The following EMB variants were observed in gnomAD, a reference collection of about 807,000 sequenced individuals.
EMB encodes embigin homolog.
Under a neutral mutation model 41.4 loss-of-function variants are expected in EMB, and 31 were observed. That is an observed-to-expected ratio of 0.75 (90% confidence interval 0.56 to 1.01). EMB has a LOEUF of 1.01. Among genes scored for constraint, EMB ranks in the 50% least tolerant of loss-of-function variants. The probability of loss-of-function intolerance (pLI) is 0.00; values close to 1 mark genes in which losing one functional copy is unlikely to be tolerated. For missense variants in EMB, 379 were observed against 388.3 expected (o/e 0.98, Z 0.20); for synonymous variants, 137 against 140.4 (o/e 0.98, Z 0.17).
chr5:50,429,968 TTCTCTC>T (rs780667856), intron 1 of EMB, among the ~76,000 whole-genome samples: 1,214 of 62,080 alleles, frequency 0.02, 7 homozygotes, highest in Non-Finnish European at 0.018. Context: ...CCAACTCTCT[TTCTCTC>T]TCTCTCTCTC....
intron 1 of EMB, among the ~76,000 whole-genome samples, chr5:50,433,855 A>C (rs537607036): frequency 6.6e-6 from 1 of 152,308 alleles, no homozygotes; most frequent in South Asian, 2.1e-4. Flanking sequence ...TGAGTGAAGA[A>C]TCCTTCCTTG....
At chr5:50,415,062 G>C (rs1745406875) in intron 2 of EMB, among the ~76,000 whole-genome samples, 1 of 152,076 alleles carries the variant, frequency 6.6e-6, no homozygotes, top group Non-Finnish European at 1.5e-5. Flanking sequence ...TATCCCATGA[G>C]AACTTCAAAC....
intron 6 of EMB, among the ~76,000 whole-genome samples, 198 bp from the exon 7 acceptor site, chr5:50,402,517 CAT>C (rs1258691619): frequency 6.6e-6 from 1 of 151,960 alleles, no homozygotes; most frequent in Non-Finnish European, 1.5e-5. Context: ...TCTGATCAAA[CAT>C]AGTTTAGTGG....
intron 1 of EMB, among the ~76,000 whole-genome samples, chr5:50,431,235 C>T (rs534824514): frequency 1.3e-5 from 2 of 152,254 alleles, no homozygotes; most frequent in South Asian, 4.1e-4. Flanking sequence ...AGGCAATATA[C>T]AGAAATGCCT....
chr5:50,399,600 G>A (rs952155753), intron 8 of EMB, among the ~76,000 whole-genome samples: 6 of 151,954 alleles, frequency 3.9e-5, no homozygotes, highest in South Asian at 2.1e-4. Context: ...AAACTAGTCC[G>A]TGGTGATAAA....
intron 2 of EMB, among the ~76,000 whole-genome samples, chr5:50,425,341 C>T (rs1361183431): frequency 6.6e-6 from 1 of 152,028 alleles, no homozygotes; most frequent in African/African-American, 2.4e-5. Context: ...CACATCTCAA[C>T]ATGTAAATAA....
upstream of EMB, chr5:50,441,328 C>G (rs1413441088): frequency 6.4e-5 from 25 of 391,184 alleles, no homozygotes; most frequent in Admixed American, 9.0e-5. Flanking sequence ...CCCACTCCCC[C>G]GAGACGCTCT....
chr5:50,402,854 G>A (rs1319005534), intron 6 of EMB, among the ~76,000 whole-genome samples: 5 of 127,944 alleles, frequency 3.9e-5, no homozygotes, highest in African/African-American at 1.5e-4. Flanking sequence ...TCACCTAATT[G>A]GTACTTAGGT....
chr5:50,442,350 A>T (rs1312787566), upstream of EMB, among the ~76,000 whole-genome samples: 1 of 152,220 alleles, frequency 6.6e-6, no homozygotes, highest in East Asian at 1.9e-4. Flanking sequence ...TTAGTATTAT[A>T]TGCACAAAAC....
chr5:50,439,720 A>G (rs1579748416), intron 1 of EMB, among the ~76,000 whole-genome samples: 1 of 152,130 alleles, frequency 6.6e-6, no homozygotes, highest in African/African-American at 2.4e-5. Flanking sequence ...TTTAAAAGGC[A>G]TTTATAAAAA....
intron 1 of EMB, among the ~76,000 whole-genome samples, chr5:50,437,921 C>T (rs1745831938): frequency 6.6e-6 from 1 of 152,072 alleles, no homozygotes; most frequent in Non-Finnish European, 1.5e-5. Context: ...TTAAATACTC[C>T]CACTGATATA....
chr5:50,399,925 A>G lies in EMB; in HGVS notation c.912-12T>C. The stretch of plus-strand genomic sequence containing the variant: ...TATCATCTGATTTCCTGCACAGAAA[A>G]CAAAAAAGAAAATTACTAAATGCTT... On this transcript the variant is annotated splice_polypyrimidine_tract_variant and intron_variant, in intron 7 of 8. Coordinates refer to ENST00000303221, the MANE Select transcript of EMB (RefSeq NM_198449.3). 1 of 1,593,910 alleles carries G rather than the reference A, an allele frequency of 6.3e-7. No individual in the cohort carries two copies. Among genetic ancestry groups the G allele is most frequent in the Non-Finnish European group, 8.6e-7 (1 of 1,168,992 alleles).
At chr5:50,438,341 C>A (rs1230787443) in intron 1 of EMB, among the ~76,000 whole-genome samples, 2 of 152,100 alleles carry the variant, frequency 1.3e-5, no homozygotes, top group Non-Finnish European at 2.9e-5. Context: ...CCAGCCTGAG[C>A]GACAGAGTGA....
At chr5:50,440,958 G>C (rs1238222429) in intron 1 of EMB, 82 bp downstream of exon 1, 1 of 1,013,162 alleles carries the variant, frequency 9.9e-7, no homozygotes. Context: ...TGCCCGGCGC[G>C]CCGGCGATGC....
chr5:50,428,498 TCTA>T (rs1277473616), intron 1 of EMB: 2 of 1,084,628 alleles, frequency 1.8e-6, no homozygotes, highest in Non-Finnish European at 2.2e-6. Flanking sequence ...CCATTTTTAT[TCTA>T]CTATTATAGT....
chr5:50,411,023 A>G, intron 3 of EMB, 58 bp from the exon 4 acceptor site: 1 of 1,345,000 alleles, frequency 7.4e-7, no homozygotes, highest in Non-Finnish European at 1.0e-6. Flanking sequence ...AATGAAAATG[A>G]AAAGACTTAG....
intron 1 of EMB, among the ~76,000 whole-genome samples, chr5:50,434,033 G>A (rs544684528): frequency 6.6e-6 from 1 of 152,216 alleles, no homozygotes; most frequent in South Asian, 2.1e-4. Context: ...CCAGTCATTA[G>A]GTTTAGGGCT....
chr5:50,442,032 G>T (rs1387871172), upstream of EMB, among the ~76,000 whole-genome samples: 2 of 152,118 alleles, frequency 1.3e-5, no homozygotes, highest in Non-Finnish European at 2.9e-5. Context: ...TGCTTTATCC[G>T]GGAGGGGAGG....
At chr5:50,440,035 G>A (rs1394730065) in intron 1 of EMB, among the ~76,000 whole-genome samples, 1 of 152,126 alleles carries the variant, frequency 6.6e-6, no homozygotes, top group African/African-American at 2.4e-5. Flanking sequence ...CTTTGTTAAT[G>A]TTTTGCACGT....
Sources: allele counts gnomAD v4.1 joint callset (sites outside exome capture counted in the v4.1 genomes callset), GRCh38; gene constraint gnomAD v4.1.1; transcripts MANE v1.5; gene names NCBI Gene and HGNC (gene_info 2026-07-23, HGNC 2026-07-21).